Variants in ABHD17B observed in about 807,000 individuals in gnomAD.
ABHD17B encodes abhydrolase domain containing 17B, depalmitoylase.
Under a neutral mutation model 26.2 loss-of-function variants are expected in ABHD17B, and 9 were observed. The ratio of observed to expected loss-of-function variants is 0.34; its 90% CI spans 0.21 to 0.60. The LOEUF (loss-of-function observed/expected upper bound fraction) is 0.60. Among genes scored for constraint, ABHD17B ranks in the 20% least tolerant of loss-of-function variants. ABHD17B has a pLI of 0.80. For synonymous variants in ABHD17B, 127 were observed against 122.3 expected (o/e 1.04, Z -0.25); for missense variants, 224 against 352.1 (o/e 0.64, Z 2.91).
intron 1 of ABHD17B, among the ~76,000 whole-genome samples, chr9:71,880,784 C>T (rs1826417790): frequency 1.3e-5 from 2 of 151,726 alleles, no homozygotes; most frequent in Admixed American, 6.6e-5. Context: ...TAAATAAGAA[C>T]ATTAAAAAAT....
chr9:71,897,305 AG>A (rs1826986549), intron 1 of ABHD17B, among the ~76,000 whole-genome samples: 1 of 59,878 alleles, frequency 1.7e-5, no homozygotes, highest in African/African-American at 4.8e-5. Flanking sequence ...CCAAGGTGGA[AG>A]GATCACTTGA....
intron 1 of ABHD17B, among the ~76,000 whole-genome samples, chr9:71,879,404 T>C (rs1430713005): frequency 1.3e-5 from 2 of 152,176 alleles, no homozygotes; most frequent in Non-Finnish European, 2.9e-5. Context: ...CTGGGGTACC[T>C]GACTTGTTGA....
chr9:71,886,141 A>C (rs1173466935), intron 1 of ABHD17B, among the ~76,000 whole-genome samples: 1 of 152,224 alleles, frequency 6.6e-6, no homozygotes, highest in East Asian at 1.9e-4. Context: ...CATTCTGTGT[A>C]ATCTGTAGTA....
At chr9:71,874,492 T>C (rs755231898) in intron 2 of ABHD17B, 122 bp downstream of exon 2, 2 of 689,040 alleles carry the variant, frequency 2.9e-6, no homozygotes, top group Admixed American at 3.4e-5. Flanking sequence ...AGGTATATAA[T>C]AGTAAATATA....
chr9:71,884,634 G>GGA (rs930555132), intron 1 of ABHD17B, among the ~76,000 whole-genome samples: 3 of 131,560 alleles, frequency 2.3e-5, no homozygotes, highest in African/African-American at 8.4e-5. Context: ...AGGTTGAAGG[G>GGA]AAAAAAAAAA....
chr9:71,874,415 C>A (rs182944159), intron 2 of ABHD17B, among the ~76,000 whole-genome samples, 199 bp downstream of exon 2: 20 of 152,170 alleles, frequency 1.3e-4, no homozygotes, highest in Admixed American at 1.2e-3. Flanking sequence ...AAACCTGAAA[C>A]TGTCTTTAAA....
At chr9:71,901,807 T>C (rs1284788271) in intron 1 of ABHD17B, among the ~76,000 whole-genome samples, 2 of 152,184 alleles carry the variant, frequency 1.3e-5, no homozygotes, top group Non-Finnish European at 2.9e-5. Flanking sequence ...ATGAATGTTA[T>C]AAAATCACTC....
intron 1 of ABHD17B, among the ~76,000 whole-genome samples, chr9:71,905,914 G>A (rs991994940): frequency 6.6e-5 from 10 of 152,108 alleles, no homozygotes; most frequent in South Asian, 2.1e-4. Flanking sequence ...GGGTGTGGTG[G>A]TGCATGCCTG....
chr9:71,873,879 C>T (rs1826184258), intron 2 of ABHD17B, among the ~76,000 whole-genome samples: 1 of 152,110 alleles, frequency 6.6e-6, no homozygotes, highest in Non-Finnish European at 1.5e-5. Flanking sequence ...ATTTTAGGAA[C>T]ACAGAATATA....
Position 71,865,687 on chromosome 9 carries a change from C to G in ABHD17B, c.*1100G>C, listed in dbSNP as rs984826116. The G allele has an allele frequency of 3.0e-6, 2 of 668,520 alleles. No individual in the cohort carries two copies. Among genetic ancestry groups the G allele is most frequent in the Non-Finnish European group, 3.7e-6 (2 of 541,276 alleles). The allele number at this position is 668,520 out of a possible 1,614,324, so 41.4% of individuals were successfully genotyped here. ...ACCAGCCTGATCAACATGGCAAAACCCTGTCTCTACTAAAAATACAAAAAT... is the reference window on the plus strand; with the variant it reads ...ACCAGCCTGATCAACATGGCAAAACGCTGTCTCTACTAAAAATACAAAAAT... On this transcript the variant is annotated 3_prime_UTR_variant, in exon 4 of 4. Coordinates refer to ENST00000333421, the MANE Select transcript of ABHD17B (RefSeq NM_001025780.3).
intron 1 of ABHD17B, among the ~76,000 whole-genome samples, chr9:71,885,137 C>G (rs1305581419): frequency 6.6e-6 from 1 of 151,856 alleles, no homozygotes; most frequent in Non-Finnish European, 1.5e-5. Context: ...GCCCCTCTTG[C>G]AATAAATACA....
intron 1 of ABHD17B, among the ~76,000 whole-genome samples, chr9:71,907,459 GA>G (rs902051828): frequency 4.6e-4 from 70 of 152,220 alleles, no homozygotes; most frequent in African/African-American, 1.6e-3. Context: ...ATATCGGGGG[GA>G]AAAGGGAACA....
chr9:71,865,987 T>C lies in ABHD17B; in HGVS notation c.*800A>G. ...GACTACTGCAATTCTATGAAGACTA[T>C]GAGATCAGTCAAAATTTAAAACATC... On this transcript the variant is annotated 3_prime_UTR_variant, in exon 4 of 4. Transcript: ENST00000333421. 1 of 985,308 alleles carries C rather than the reference T, an allele frequency of 1.0e-6. No homozygotes were observed. Among genetic ancestry groups the C allele is most frequent in the Non-Finnish European group, 1.2e-6 (1 of 829,800 alleles). 61.0% of individuals were successfully genotyped at this position (985,308 alleles called of 1,614,324 possible). A position where few individuals can be genotyped will look rare whatever the true frequency, so the allele number is the denominator to read the frequency against.
In ABHD17B at chr9:71,865,762, G is replaced by C; in HGVS notation, c.*1025C>G. On this transcript the variant is annotated 3_prime_UTR_variant, in exon 4 of 4. Transcript: ENST00000333421. ...TGTAATACCAGCTACTCAGGAGGCTGAGGCAGGAGAATCACTTGATCCCGG... is the reference window on the plus strand; with the variant it reads ...TGTAATACCAGCTACTCAGGAGGCTCAGGCAGGAGAATCACTTGATCCCGG... 3 of 653,324 alleles carry C rather than the reference G, an allele frequency of 4.6e-6. No homozygotes were observed. Among genetic ancestry groups the C allele is most frequent in the Non-Finnish European group, 5.7e-6 (3 of 527,126 alleles). 40.5% of individuals were successfully genotyped at this position (653,324 alleles called of 1,614,324 possible). A position where few individuals can be genotyped will look rare whatever the true frequency, so the allele number is the denominator to read the frequency against.
At chr9:71,888,127 GA>G (rs1826667501) in intron 1 of ABHD17B, among the ~76,000 whole-genome samples, 2 of 152,188 alleles carry the variant, frequency 1.3e-5, no homozygotes, top group South Asian at 4.1e-4. Context: ...TGATCCACCA[GA>G]GCAATGTCCT....
At chr9:71,905,741 C>A (rs1008690564) in intron 1 of ABHD17B, among the ~76,000 whole-genome samples, 1 of 152,118 alleles carries the variant, frequency 6.6e-6, no homozygotes, top group African/African-American at 2.4e-5. Flanking sequence ...AAGTGCTGCT[C>A]AGATTGGGCG....
Position 71,874,841 on chromosome 9 carries a change from A to T in ABHD17B, c.240T>A (p.Ala80=), listed in dbSNP as rs768927335. The change falls in exon 2 of 4, where the codon GCT becomes GCA. Residue 80 remains alanine (A), a synonymous_variant. Coordinates refer to ENST00000333421, the MANE Select transcript of ABHD17B (RefSeq NM_001025780.3). ...MTRTSKGNRI[A]CMFVRCSPNA... ...TGGGTGAACAACGTACAAACATACA[A>T]GCAATTCTGTTGCCTTTACTGGTTC... is the stretch of plus-strand genomic sequence containing the variant. 5.6e-6 allele frequency: 9 copies of T among 1,614,232 alleles called. No homozygotes were observed. The highest frequency in any genetic ancestry group is 6.8e-6 in the Non-Finnish European group (8 of 1,180,036).
At chr9:71,887,005 T>C (rs1026961241) in intron 1 of ABHD17B, among the ~76,000 whole-genome samples, 4 of 152,176 alleles carry the variant, frequency 2.6e-5, no homozygotes, top group Non-Finnish European at 5.9e-5. Context: ...ATTCTAGATA[T>C]AGAGTGTAAC....
Position 71,867,068 on chromosome 9 carries a change from T to C in ABHD17B, c.648-62A>G. The C allele has an allele frequency of 3.2e-6, 5 of 1,541,674 alleles. No individual in the cohort carries two copies. The South Asian group carries it at 5.7e-5, about 18-fold the overall frequency. On this transcript the variant is annotated intron_variant, in intron 3 of 3. Coordinates refer to ENST00000333421, the MANE Select transcript of ABHD17B (RefSeq NM_001025780.3). Reference sequence around the variant, plus strand: ...TTAACTATGTAAAGGAACATATTCTTGTGCTATATCAGACAGATAATTCAA... The same window carrying C: ...TTAACTATGTAAAGGAACATATTCTCGTGCTATATCAGACAGATAATTCAA...
Sources: allele counts gnomAD v4.1 joint callset (sites outside exome capture counted in the v4.1 genomes callset), GRCh38; gene constraint gnomAD v4.1.1; transcripts MANE v1.5; gene names NCBI Gene and HGNC (gene_info 2026-07-23, HGNC 2026-07-21).